ABCA9: variants seen among roughly 807,000 people sequenced by gnomAD.
ABCA9 encodes the protein ATP-binding cassette sub-family A member 9.
Under a neutral mutation model 205.3 loss-of-function variants are expected in ABCA9, and 183 were observed. That is an observed-to-expected ratio of 0.89 (90% CI 0.79 to 1.01). ABCA9 has a LOEUF of 1.01. Ranked by LOEUF, ABCA9 falls within the 50% of genes least tolerant of loss-of-function variation. The pLI, the probability that ABCA9 is intolerant of heterozygous loss-of-function variation, is 0.00. For missense variants in ABCA9, 1,805 were observed against 1,912.4 expected, an observed-to-expected ratio of 0.94 and a Z score of 1.05; for synonymous variants, 651 against 683.3, an observed-to-expected ratio of 0.95 and a Z score of 0.74.
At chr17:68,976,327 A>C in intron 37 of ABCA9, 137 bp from the exon 38 acceptor site, 2 of 716,844 alleles carry the variant, frequency 2.8e-6, no homozygotes, top group Non-Finnish European at 4.7e-6. Flanking sequence ...TAAATATGGG[A>C]AAGCAAACGC....
At chr17:68,987,929 T>A (rs2144003842) in intron 31 of ABCA9, among the ~76,000 whole-genome samples, 1 of 152,272 alleles carries the variant, frequency 6.6e-6, no homozygotes, top group East Asian at 1.9e-4. Flanking sequence ...CACGCCTGGC[T>A]AATTTTGTAT....
chr17:69,077,506 A>G, the ABCA9 span, among the ~76,000 whole-genome samples: 1 of 152,214 alleles, frequency 6.6e-6, no homozygotes, highest in Admixed American at 6.5e-5. Flanking sequence ...TGTTCTATAG[A>G]TGCCTGTTAG....
upstream of ABCA9, among the ~76,000 whole-genome samples, chr17:69,065,634 C>G (rs957822091): frequency 3.9e-5 from 6 of 152,192 alleles, no homozygotes; most frequent in African/African-American, 1.4e-4. Flanking sequence ...CTCCGGTTCA[C>G]AAGTGGACTT....
intron 20 of ABCA9, 81 bp from the exon 21 acceptor site, chr17:69,017,870 C>T (rs1443089292): frequency 2.1e-6 from 3 of 1,456,710 alleles, no homozygotes; most frequent in African/African-American, 1.4e-5. Context: ...TTACATCACA[C>T]AAAGCATATC....
the ABCA9 span, among the ~76,000 whole-genome samples, chr17:69,067,925 C>G: frequency 6.6e-6 from 1 of 152,164 alleles, no homozygotes; most frequent in South Asian, 2.1e-4. Context: ...AGATGCTCAT[C>G]TCTGTGCAGG....
intron 30 of ABCA9, 120 bp from the exon 31 acceptor site, chr17:68,989,238 T>C: frequency 3.7e-6 from 2 of 542,198 alleles, no homozygotes; most frequent in South Asian, 2.1e-5. Flanking sequence ...TTATTTCCCT[T>C]ATTCCTCTCT....
chr17:68,990,021 A>C (rs9902444), intron 29 of ABCA9, 91 bp from the exon 30 acceptor site: 862,484 of 868,778 alleles, frequency 0.99, 428,131 homozygotes, highest in East Asian at 1. Context: ...TTTCCTTATA[A>C]AAAATCATGA....
Position 68,986,153 on chromosome 17 carries a change from G to A in ABCA9, c.4208+11C>T, listed in dbSNP as rs750693253. The A allele has an allele frequency of 4.2e-5, 67 of 1,593,942 alleles. No homozygotes were observed. In the South Asian group the frequency reaches 5.8e-4, roughly 14 times the overall value. On this transcript the variant is annotated intron_variant, in intron 32 of 38. Transcript: ENST00000340001. ...CTCCAGCAAAGGGGAGTGCCCCCCA[G>A]TCCCAGGTACCGTGTGATGGCGATC...
At chr17:69,015,559 TTC>T (rs750613873) in intron 22 of ABCA9, among the ~76,000 whole-genome samples, 4 of 152,148 alleles carry the variant, frequency 2.6e-5, no homozygotes, top group Non-Finnish European at 4.4e-5. Flanking sequence ...TAATGGAAAC[TTC>T]TTTTGATGCA....
At chr17:69,018,610 T>C in intron 19 of ABCA9, 31 bp from the exon 20 acceptor site, 2 of 1,510,810 alleles carry the variant, frequency 1.3e-6, no homozygotes, top group Non-Finnish European at 1.8e-6. Context: ...AAGAAAAAAA[T>C]AATTTTAGCA....
Position 68,984,138 on chromosome 17 carries a change from C to A in ABCA9, c.4417G>T (p.Gly1473Cys), listed in dbSNP as rs767562262. Residue 1473 changes from glycine (G) to cysteine (C), a missense_variant, in exon 35 of 39, where the codon GGC (glycine) becomes TGC (cysteine). Gly to Cys is a radical substitution (Grantham distance 159, BLOSUM62 -3). Transcript: ENST00000340001. ...ATGTAGTGGGTGGTCAGGAGGGCGC[C>A]CCTCTCCGTGTTTCTAAAGGTGGCC... ...IRATFRNTER[G>C]ALLTTHYMAE... 5.6e-6 allele frequency: 9 copies of A among 1,614,044 alleles called. No homozygotes were observed. The African/African-American group carries it at 1.1e-4, about 19-fold the overall frequency.
chr17:69,047,357 G>C (rs11077910), intron 3 of ABCA9, among the ~76,000 whole-genome samples: 130,639 of 150,264 alleles, frequency 0.87, 57,767 homozygotes, highest in East Asian at 1. Context: ...TAAAGACATA[G>C]CCAAGACTGG....
chr17:69,044,473 A>C, intron 5 of ABCA9, 24 bp downstream of exon 5: 1 of 1,593,796 alleles, frequency 6.3e-7, no homozygotes, highest in Admixed American at 1.7e-5. Context: ...CAATGTGGTT[A>C]GATTCCTTTA....
Position 69,027,362 on chromosome 17 carries a change from T to A in ABCA9, c.1879A>T (p.Thr627Ser). ...TCTCCTAAAATGGCAATCCCAAAAGTTAGTTTCCTATTTTGTCCACCACTT... is the reference window on the plus strand; with the variant it reads ...TCTCCTAAAATGGCAATCCCAAAAGATAGTTTCCTATTTTGTCCACCACTT... The part of the protein sequence containing the change: ...NLSGGQNRKL[T>S]FGIAILGDPQ... The change falls in exon 14 of 39, where the codon ACT becomes TCT. Residue 627 changes from threonine to serine, a missense_variant. By Grantham distance (58) the Thr-to-Ser change is moderately conservative. Coordinates refer to ENST00000340001, the MANE Select transcript of ABCA9 (RefSeq NM_080283.4). The A allele has an allele frequency of 6.2e-7, 1 of 1,613,322 alleles. No individual in the cohort carries two copies. Among genetic ancestry groups the A allele is most frequent in the Non-Finnish European group, 8.5e-7 (1 of 1,179,644 alleles).
intron 1 of ABCA9, among the ~76,000 whole-genome samples, chr17:69,058,635 C>T (rs1470008307): frequency 2.6e-5 from 4 of 151,876 alleles, no homozygotes; most frequent in South Asian, 2.1e-4. Flanking sequence ...GTCAGGAGTT[C>T]GAGACCAGCC....
At position 69,028,611 on chromosome 17, in the gene ABCA9, A is replaced by C. The variant is rs752458062; in HGVS notation, c.1539T>G (p.Thr513=). ...CAGCTCCACTGTGACCAAGGAGGGCAGTGATCTGGCCTTCATATATGTCAA... is the reference window on the plus strand; with the variant it reads ...CAGCTCCACTGTGACCAAGGAGGGCCGTGATCTGGCCTTCATATATGTCAA... ...VVFDIYEGQI[T]ALLGHSGAGK... is the part of the protein sequence containing the mutation. Residue 513 remains threonine, a synonymous_variant, in exon 12 of 39, where the codon ACT becomes ACG. Transcript: ENST00000340001. The C allele has an allele frequency of 6.2e-7, 1 of 1,609,806 alleles. No individual in the cohort carries two copies. The highest frequency in any genetic ancestry group is 1.1e-5 in the South Asian group (1 of 90,524).
chr17:69,026,841 C>A, intron 15 of ABCA9, 135 bp downstream of exon 15: 1 of 1,100,938 alleles, frequency 9.1e-7, no homozygotes, highest in Non-Finnish European at 1.3e-6. Flanking sequence ...TGCAGACCCA[C>A]AAATGAGTAA....
chr17:69,057,292 T>C (rs1425900175), intron 1 of ABCA9, among the ~76,000 whole-genome samples: 2 of 152,142 alleles, frequency 1.3e-5, no homozygotes, highest in African/African-American at 4.8e-5. Context: ...GAAATCAATA[T>C]AGGGATAATC....
At chr17:68,998,533 C>A (rs187911870) in intron 25 of ABCA9, among the ~76,000 whole-genome samples, 1 of 152,190 alleles carries the variant, frequency 6.6e-6, no homozygotes, top group East Asian at 1.9e-4. Flanking sequence ...GAATATTGAT[C>A]ATTCCATAAC....
Sources: gnomAD v4.1 joint callset for allele counts (sites outside exome capture counted in the v4.1 genomes callset) on GRCh38, gnomAD v4.1.1 for gene constraint, MANE v1.5 for transcripts, NCBI Gene and HGNC (gene_info 2026-07-23, HGNC 2026-07-21) for gene names.